Variants in FBXL13 observed in about 807,000 individuals in gnomAD.
FBXL13 encodes the protein F-box and leucine-rich repeat protein 13.
Under a neutral mutation model 83.6 loss-of-function variants are expected in FBXL13, and 67 were observed. The ratio of observed to expected loss-of-function variants is 0.80; its 90% CI spans 0.66 to 0.98. The LOEUF (loss-of-function observed/expected upper bound fraction) is 0.98, where lower values mean the gene tolerates loss of function less well. Ranked by LOEUF, FBXL13 falls within the 50% of genes least tolerant of loss-of-function variation. The pLI is 0.00. For synonymous variants in FBXL13, 272 were observed against 299.5 expected (o/e 0.91, Z 0.95); for missense variants, 822 against 866.5 (o/e 0.95, Z 0.64).
At position 102,914,360 on chromosome 7, in the gene FBXL13, C is replaced by T. The variant is rs903691637; in HGVS notation, c.879-1145G>A. On this transcript the variant is annotated intron_variant, in intron 10 of 19. Coordinates refer to ENST00000313221, the Ensembl canonical transcript of FBXL13. ...AGTGCTCGGAACAGGCATGAGCCAC[C>T]GTGCCCAGAAAGCCTGGCACTTTTT... Among the ~76,000 whole-genome samples, 8 of 152,206 alleles carry T rather than the reference C, an allele frequency of 5.3e-5. No homozygotes were observed. In the East Asian group the frequency reaches 5.8e-4, roughly 11 times the overall value.
chr7:102,838,780 A>C (rs765944581), intron 17 of FBXL13, among the ~76,000 whole-genome samples: 1 of 152,120 alleles, frequency 6.6e-6, no homozygotes, highest in Non-Finnish European at 1.5e-5. Context: ...GTCTCGATAA[A>C]CCAGGGGCAC....
chr7:102,983,421 C>CTTTTTT lies in FBXL13; in HGVS notation c.496-15305_496-15304insAAAAAA, dbSNP rs151066223. On this transcript the variant is annotated intron_variant, in intron 6 of 19. Coordinates refer to ENST00000313221, the Ensembl canonical transcript of FBXL13. ...AACCCATTCTGGTTTTCTTTTTTCC[C>CTTTTTT]CTTTTTTTTTTTTTTTTGAGTGGGG... 3.0e-4 allele frequency among the ~76,000 whole-genome samples: 43 copies of CTTTTTT among 145,484 alleles called. 1 individual carries two copies. Among genetic ancestry groups the CTTTTTT allele is most frequent in the African/African-American group, 9.0e-4 (35 of 38,740 alleles).
At chr7:102,954,365 C>A (rs1250499697) in intron 8 of FBXL13, among the ~76,000 whole-genome samples, 1 of 152,174 alleles carries the variant, frequency 6.6e-6, no homozygotes, top group Non-Finnish European at 1.5e-5. Context: ...CACCACCAGG[C>A]CTGCCTTACA....
At chr7:102,945,137 C>T (rs1822247133) in intron 8 of FBXL13, among the ~76,000 whole-genome samples, 1 of 152,150 alleles carries the variant, frequency 6.6e-6, no homozygotes, top group African/African-American at 2.4e-5. Flanking sequence ...TCCAAATTCT[C>T]AACCACTCTT....
chr7:103,048,983 A>G (rs190453555), intron 2 of FBXL13, among the ~76,000 whole-genome samples: 9 of 152,310 alleles, frequency 5.9e-5, no homozygotes, highest in Admixed American at 5.9e-4. Flanking sequence ...ATTCTTAGCA[A>G]CTTTCACTTT....
intron 6 of FBXL13, among the ~76,000 whole-genome samples, chr7:102,996,709 T>C (rs1248870406): frequency 3.9e-5 from 6 of 152,168 alleles, no homozygotes; most frequent in Admixed American, 3.9e-4. Flanking sequence ...TCAACAAACA[T>C]CTTGCCTTTA....
At chr7:102,876,198 G>A (rs1238749516) in intron 16 of FBXL13, among the ~76,000 whole-genome samples, 2 of 152,180 alleles carry the variant, frequency 1.3e-5, no homozygotes, top group East Asian at 1.9e-4. Flanking sequence ...AGGCAGACAC[G>A]ACAGGGAAAC....
chr7:103,065,452 G>C (rs1312821568), intron 1 of FBXL13, among the ~76,000 whole-genome samples: 1 of 152,192 alleles, frequency 6.6e-6, no homozygotes, highest in Non-Finnish European at 1.5e-5. Flanking sequence ...TCTCCGGAAA[G>C]TTCTCATGTC....
intron 2 of FBXL13, among the ~76,000 whole-genome samples, chr7:103,052,756 CTTTTT>C (rs67278019): frequency 7.4e-6 from 1 of 134,300 alleles, no homozygotes. Flanking sequence ...AATTCCTTTT[CTTTTT>C]TTTTTTTTTT....
intron 6 of FBXL13, among the ~76,000 whole-genome samples, chr7:103,001,848 G>A (rs928122231): frequency 2.0e-5 from 3 of 152,144 alleles, no homozygotes; most frequent in Non-Finnish European, 2.9e-5. Flanking sequence ...GAGGCTTTTG[G>A]ACTTGGACTG....
At chr7:103,029,463 G>A (rs1171845532) in intron 2 of FBXL13, 45 bp from the exon 4 acceptor site, 3 of 1,098,772 alleles carry the variant, frequency 2.7e-6, no homozygotes, top group Non-Finnish European at 3.8e-6. Flanking sequence ...AGAAATAAAT[G>A]GAATGCACAG....
exon 1 of FBXL13, chr7:103,074,505 C>G (rs1255921534): frequency 7.1e-5 from 84 of 1,174,960 alleles, no homozygotes; most frequent in Non-Finnish European, 8.9e-5. Flanking sequence ...TGTTTTCTCT[C>G]TAATCAGCGT....
At chr7:102,900,093 T>C (rs1256469445) in intron 11 of FBXL13, among the ~76,000 whole-genome samples, 1 of 152,162 alleles carries the variant, frequency 6.6e-6, no homozygotes, top group East Asian at 1.9e-4. Context: ...TAATTCAGAA[T>C]ACTTCTAAAA....
At position 102,929,415 on chromosome 7, in the gene FBXL13, A is replaced by C. The variant is rs1433982788; in HGVS notation, c.777+2466T>G. On this transcript the variant is annotated intron_variant, in intron 9 of 19. Transcript: ENST00000313221. Reference sequence around the variant, plus strand: ...GGTGTCTCACGCCTGTAATCCCAGCACTTTGGGAGGCCGAGGCGGGTGGAT... The same window carrying C: ...GGTGTCTCACGCCTGTAATCCCAGCCCTTTGGGAGGCCGAGGCGGGTGGAT... 2.0e-5 allele frequency among the ~76,000 whole-genome samples: 3 copies of C among 152,184 alleles called. No homozygotes were observed. In the East Asian group the frequency reaches 5.8e-4, roughly 29 times the overall value.
In FBXL13 at chr7:102,877,529, A is replaced by AT; in HGVS notation, c.1572dup (p.Tyr525IlefsTer20). The AT allele has an allele frequency of 6.2e-7, 1 of 1,611,420 alleles. No homozygotes were observed. The highest frequency in any genetic ancestry group is 8.5e-7 in the Non-Finnish European group (1 of 1,178,890). On this transcript the variant is annotated frameshift_variant, in exon 16 of 20. Transcript: ENST00000313221. LOFTEE classifies it high-confidence loss of function. ...ACCAAGGAAAAGATGTTTACAATATATCCAATTCCTTGGGCAGTCAAATGT... is the reference window on the plus strand; with the variant it reads ...ACCAAGGAAAAGATGTTTACAATATATTCCAATTCCTTGGGCAGTCAAATGT...
chr7:102,813,181 A>G (rs890809630), downstream of FBXL13: 5 of 695,988 alleles, frequency 7.2e-6, no homozygotes, highest in Non-Finnish European at 1.2e-5. Context: ...CAGAAGAACT[A>G]CTGATGTGTT....
rs137934310 is a variant in FBXL13 at position 103,032,706 on chromosome 7, A to T, written c.1-3288T>A. Among the ~76,000 whole-genome samples, 1,450 of 152,312 alleles carry T rather than the reference A, an allele frequency of 9.5e-3. 22 individuals are homozygous for T. Among genetic ancestry groups the T allele is most frequent in the African/African-American group, 0.033 (1,368 of 41,572 alleles). ...GATAACATTGGCCTAAATCTAATGG[A>T]TTCTGTTACCTGGGCCTGTCTAATA... On this transcript the variant is annotated intron_variant, in intron 2 of 19. Transcript: ENST00000313221.
chr7:103,015,417 T>C (rs1336083874), intron 6 of FBXL13, among the ~76,000 whole-genome samples: 1 of 152,142 alleles, frequency 6.6e-6, no homozygotes, highest in Non-Finnish European at 1.5e-5. Context: ...TTGCAGACAA[T>C]ATGATTCTAT....
At chr7:102,849,400 G>A (rs1804774083) in intron 17 of FBXL13, among the ~76,000 whole-genome samples, 1 of 152,062 alleles carries the variant, frequency 6.6e-6, no homozygotes, top group Non-Finnish European at 1.5e-5. Flanking sequence ...ACTAAAATGA[G>A]GTAATTTTTT....
Sources: gnomAD v4.1 joint callset for allele counts (sites outside exome capture counted in the v4.1 genomes callset) on GRCh38, gnomAD v4.1.1 for gene constraint, MANE v1.5 for transcripts, NCBI Gene and HGNC (gene_info 2026-07-23, HGNC 2026-07-21) for gene names.